ATXN2: variants seen among roughly 807,000 people sequenced by gnomAD.
ATXN2 encodes the protein ataxin-2.
In ATXN2, 37 loss-of-function variants were observed where a neutral mutation model predicts 138.6. The observed-to-expected ratio is 0.27, with a 90% CI of 0.21 to 0.35. The LOEUF (loss-of-function observed/expected upper bound fraction) is 0.35. Ranked by LOEUF, ATXN2 falls within the 10% of genes least tolerant of loss-of-function variation. The pLI, the probability that ATXN2 is intolerant of heterozygous loss-of-function variation, is 1.00. For synonymous variants in ATXN2, 549 were observed against 543.7 expected, an observed-to-expected ratio of 1.01 and a Z score of -0.13; for missense variants, 1,216 against 1,480.3, an observed-to-expected ratio of 0.82 and a Z score of 2.93.
chr12:111,577,433 T>G (rs2135823633), intron 1 of ATXN2, among the ~76,000 whole-genome samples: 1 of 151,736 alleles, frequency 6.6e-6, no homozygotes, highest in African/African-American at 2.4e-5. Context: ...ACCCGGTTAA[T>G]TTTTAGTATT....
intron 14 of ATXN2, among the ~76,000 whole-genome samples, chr12:111,508,236 GTATAAA>G (rs1879296792): frequency 6.6e-6 from 1 of 151,680 alleles, no homozygotes; most frequent in East Asian, 1.9e-4. Flanking sequence ...TTCATATGCA[GTATAAA>G]TATAAAGAAC....
intron 14 of ATXN2, among the ~76,000 whole-genome samples, chr12:111,496,138 AGTGAGACTCTG>A (rs1419250428): frequency 6.6e-6 from 1 of 152,122 alleles, no homozygotes; most frequent in Non-Finnish European, 1.5e-5. Context: ...TGGGTAACAG[AGTGAGACTCTG>A]TTACAAACAA....
intron 11 of ATXN2, 127 bp downstream of exon 11, chr12:111,513,229 TC>T: frequency 9.2e-7 from 1 of 1,081,656 alleles, no homozygotes. Context: ...GTTTCCCAAT[TC>T]CTGGTGATTC....
intron 5 of ATXN2, among the ~76,000 whole-genome samples, chr12:111,536,192 T>G (rs1489207603): frequency 1.3e-5 from 2 of 152,142 alleles, no homozygotes; most frequent in African/African-American, 4.8e-5. Context: ...TGCCCAAGAT[T>G]GACTGAAAAT....
chr12:111,495,991 AAAATCC>A (rs924654071), intron 14 of ATXN2, among the ~76,000 whole-genome samples: 1 of 151,692 alleles, frequency 6.6e-6, no homozygotes, highest in African/African-American at 2.4e-5. Flanking sequence ...AAAAAAAAAA[AAAATCC>A]AAAAATATCA....
At chr12:111,471,670 A>G (rs559643541) in intron 18 of ATXN2, 1 of 152,214 alleles carries the variant, frequency 6.6e-6, no homozygotes, top group East Asian at 1.9e-4. Context: ...AGAGCTAGTT[A>G]CATATTATTT....
Position 111,516,447 on chromosome 12 carries a change from G to A in ATXN2, c.1166-84C>T. 7.9e-7 allele frequency: 1 copy of A among 1,262,550 alleles called. No homozygotes were observed. Among genetic ancestry groups the A allele is most frequent in the Non-Finnish European group, 1.1e-6 (1 of 915,282 alleles). 78.2% of individuals were successfully genotyped at this position (1,262,550 alleles called of 1,614,324 possible). A position where few individuals can be genotyped will look rare whatever the true frequency, so the allele number is the denominator to read the frequency against. On this transcript the variant is annotated intron_variant, in intron 9 of 24. Coordinates refer to ENST00000673436, the MANE Select transcript of ATXN2 (RefSeq NM_001372574.1). The surrounding 1 kb of genome is among the most constrained non-coding windows in gnomAD (Gnocchi z 5.0). ...AAAGTAAACAGAAAAAAAGTAAAAT[G>A]ACAAAAATGATTTCTTGTACATTTT... is the stretch of plus-strand genomic sequence containing the variant.
intron 18 of ATXN2, among the ~76,000 whole-genome samples, chr12:111,474,433 G>A (rs1486060216): frequency 2.0e-5 from 3 of 151,914 alleles, no homozygotes; most frequent in African/African-American, 7.3e-5. Flanking sequence ...AAACAAAGAA[G>A]AAGAAAGACA....
chr12:111,553,410 T>G (rs1329171919), intron 3 of ATXN2, among the ~76,000 whole-genome samples: 5 of 151,882 alleles, frequency 3.3e-5, no homozygotes, highest in African/African-American at 1.2e-4. Flanking sequence ...TGCATATAAC[T>G]AAGCACATTC....
At chr12:111,595,822 G>A (rs1884911235) in intron 1 of ATXN2, among the ~76,000 whole-genome samples, 1 of 147,452 alleles carries the variant, frequency 6.8e-6, no homozygotes, top group African/African-American at 2.7e-5. Context: ...CACTTTGGGA[G>A]GCCGAGGCTG....
chr12:111,599,398 C>T (rs1885151502), upstream of ATXN2: 1 of 1,167,068 alleles, frequency 8.6e-7, no homozygotes, highest in African/African-American at 1.6e-5. Context: ...CGCCGCCCCG[C>T]CCGCTCCGCC....
intron 5 of ATXN2, among the ~76,000 whole-genome samples, chr12:111,545,492 A>G (rs1243855693): frequency 1.3e-5 from 2 of 151,992 alleles, no homozygotes; most frequent in Non-Finnish European, 2.9e-5. Context: ...GCTACTCAGG[A>G]GGCTGAGGCT....
chr12:111,462,626 T>C (rs561966041), intron 21 of ATXN2, among the ~76,000 whole-genome samples: 86 of 152,216 alleles, frequency 5.6e-4, no homozygotes, highest in Non-Finnish European at 1.1e-3. Context: ...GCAGCCCAAC[T>C]GTTAGTTTCT....
intron 18 of ATXN2, chr12:111,471,091 T>C (rs1243030473): frequency 4.7e-6 from 1 of 211,074 alleles, no homozygotes; most frequent in Non-Finnish European, 9.8e-6. Flanking sequence ...TATGGTATTT[T>C]CTGGGACGGG....
chr12:111,490,293 C>A (rs557658322), intron 14 of ATXN2, among the ~76,000 whole-genome samples: 13 of 151,300 alleles, frequency 8.6e-5, no homozygotes, highest in Admixed American at 5.9e-4. Flanking sequence ...GCAGTCTATA[C>A]GGAATTTTAA....
chr12:111,533,485 G>C (rs935154297), intron 5 of ATXN2, among the ~76,000 whole-genome samples: 3 of 152,006 alleles, frequency 2.0e-5, no homozygotes, highest in African/African-American at 7.3e-5. Flanking sequence ...TACATGTTCA[G>C]TATAGATGCT....
intron 5 of ATXN2, among the ~76,000 whole-genome samples, chr12:111,525,766 C>T (rs11065939): frequency 0.065 from 9,840 of 151,122 alleles, 1,200 homozygotes; most frequent in East Asian, 0.56. Flanking sequence ...CTCACTGCAA[C>T]CTCTGCCTCC....
intron 14 of ATXN2, among the ~76,000 whole-genome samples, chr12:111,503,070 T>C (rs1878884082): frequency 6.6e-6 from 1 of 152,306 alleles, no homozygotes; most frequent in Non-Finnish European, 1.5e-5. Context: ...ATCAAATTAC[T>C]AGCAATTCTT....
rs757932506 is a variant in ATXN2 at position 111,500,008 on chromosome 12, TG to T, written c.1935+9540del. Among the ~76,000 whole-genome samples the T allele has an allele frequency of 1.7e-3, 256 of 152,350 alleles. 1 individual carries two copies. Among genetic ancestry groups the T allele is most frequent in the Non-Finnish European group, 1.4e-3 (94 of 68,032 alleles). On this transcript the variant is annotated intron_variant, in intron 14 of 24. Transcript: ENST00000673436. ...ATAAAGGGGAACCTTCACACACTGT[TG>T]GTGGACATGTAAATTGGTAAAACCA...
Sources: gnomAD v4.1 joint callset for allele counts (sites outside exome capture counted in the v4.1 genomes callset) on GRCh38, gnomAD v4.1.1 for gene constraint, Gnocchi (gnomAD v3.1) non-coding constraint, MANE v1.5 for transcripts, NCBI Gene and HGNC (gene_info 2026-07-23, HGNC 2026-07-21) for gene names.